GFPT2: variants seen among roughly 807,000 people sequenced by gnomAD.
GFPT2 encodes glutamine--fructose-6-phosphate aminotransferase [isomerizing] 2.
In GFPT2, 62 loss-of-function variants were observed where a neutral mutation model predicts 85.6. The ratio of observed to expected loss-of-function variants is 0.72; its 90% confidence interval spans 0.59 to 0.90. The LOEUF is 0.90. Ranked by LOEUF, GFPT2 falls within the 40% of genes least tolerant of loss-of-function variation. The pLI, the probability that GFPT2 is intolerant of heterozygous loss-of-function variation, is 0.00. For missense variants in GFPT2, 788 were observed against 893.4 expected, an observed-to-expected ratio of 0.88 and a Z score of 1.50; for synonymous variants, 368 against 344.5, an observed-to-expected ratio of 1.07 and a Z score of -0.75.
rs183500211 is a variant in GFPT2 at position 180,348,792 on chromosome 5, A to G, written c.7+4419T>C. ...GGGTCTTGCTCTGTCGCCAGGCTGG[A>G]GTGTAGTGGCACGATCTCGGCTCAC... On this transcript the variant is annotated intron_variant, in intron 1 of 18. Transcript: ENST00000253778. Among the ~76,000 whole-genome samples the G allele has an allele frequency of 6.3e-3, 903 of 142,232 alleles. 4 individuals are homozygous for G. Among genetic ancestry groups the G allele is most frequent in the Admixed American group, 0.01 (139 of 13,670 alleles). 93.3% of individuals were successfully genotyped at this position (142,232 alleles called of 152,430 possible).
rs1329989116 is a variant in GFPT2, at chr5:180,334,236, T to TACC, written c.340+1589_340+1591dup. 2.2e-4 allele frequency among the ~76,000 whole-genome samples: 34 copies of TACC among 152,316 alleles called. 1 individual carries two copies. The highest frequency in any genetic ancestry group is 1.5e-3 in the South Asian group (7 of 4,818). ...GCATGAGTAGCCCTGGCTCCTGTGCTACCACCAAGCTGCTCTGCTGAGCAG... is the reference window on the plus strand; with the variant it reads ...GCATGAGTAGCCCTGGCTCCTGTGCTACCACCACCAAGCTGCTCTGCTGAGCAG... On this transcript the variant is annotated intron_variant, in intron 4 of 18. Transcript: ENST00000253778.
At chr5:180,309,816 C>CT (rs34016478) in intron 15 of GFPT2, among the ~76,000 whole-genome samples, 8,794 of 145,662 alleles carry the variant, frequency 0.06, 733 homozygotes, top group African/African-American at 0.19. Flanking sequence ...AAGGCCATTC[C>CT]TTTTTTTTTT....
In GFPT2 at chr5:180,313,020, C is replaced by A. The variant is rs11960659; in HGVS notation, c.1432-476G>T. Among the ~76,000 whole-genome samples the A allele has an allele frequency of 2.6e-5, 4 of 151,390 alleles. No homozygotes were observed. The South Asian group carries it at 8.3e-4, about 31-fold the overall frequency. ...TCAAACCCCTGACCTCAGGTGATCCCCCTGCCTCGGCCTCCCAAAGTGCTG... is the reference window on the plus strand; with the variant it reads ...TCAAACCCCTGACCTCAGGTGATCCACCTGCCTCGGCCTCCCAAAGTGCTG... On this transcript the variant is annotated intron_variant, in intron 14 of 18. Transcript: ENST00000253778.
chr5:180,315,559 C>T (rs1055466134), intron 13 of GFPT2, among the ~76,000 whole-genome samples: 8 of 152,142 alleles, frequency 5.3e-5, no homozygotes, highest in African/African-American at 1.9e-4. Flanking sequence ...CCGGGATTGG[C>T]TTCAAAGTAA....
chr5:180,316,334 C>T lies in GFPT2; in HGVS notation c.1273+7G>A. ...GCAAGGCTGGCCACAATGCCTGTGT[C>T]CCTTACCTGACTGGCTGATGAAAAA... On this transcript the variant is annotated splice_region_variant and intron_variant, in intron 13 of 18. Coordinates refer to ENST00000253778, the MANE Select transcript of GFPT2 (RefSeq NM_005110.4). 1.2e-6 allele frequency: 2 copies of T among 1,614,000 alleles called. No homozygotes were observed. Among genetic ancestry groups the T allele is most frequent in the Non-Finnish European group, 1.7e-6 (2 of 1,179,940 alleles).
At position 180,324,255 on chromosome 5, in the gene GFPT2, C is replaced by CCAGG; in HGVS notation, c.726_727insCCTG (p.Asp243ProfsTer22). On this transcript the variant is annotated frameshift_variant, in exon 9 of 19. Transcript: ENST00000253778. LOFTEE classifies it high-confidence loss of function. The stretch of plus-strand genomic sequence containing the variant: ...ACAGCATGCAGGCAGGCGGAGCTGT[C>CCAGG]CAGCCTCTTCATCCGTGTCTTACAG... 1 of 1,612,900 alleles carries CCAGG rather than the reference C, an allele frequency of 6.2e-7. No homozygotes were observed. The highest frequency in any genetic ancestry group is 8.5e-7 in the Non-Finnish European group (1 of 1,179,080).
chr5:180,336,233 G>T, intron 3 of GFPT2: 2 of 577,742 alleles, frequency 3.5e-6, no homozygotes, highest in Non-Finnish European at 6.1e-6. Flanking sequence ...TCATTTGCTG[G>T]AATAATTAAA....
chr5:180,305,972 T>G (rs1763768790), intron 16 of GFPT2, among the ~76,000 whole-genome samples: 1 of 121,124 alleles, frequency 8.3e-6, no homozygotes, highest in Non-Finnish European at 1.8e-5. Context: ...TTCTTTTTTT[T>G]TTCTTTCTTT....
At chr5:180,316,048 A>G in intron 13 of GFPT2, among the ~76,000 whole-genome samples, 1 of 152,218 alleles carries the variant, frequency 6.6e-6, no homozygotes, top group East Asian at 1.9e-4. Context: ...GTGGTCCTTG[A>G]AGTCTTGGAT....
intron 9 of GFPT2, among the ~76,000 whole-genome samples, chr5:180,320,563 A>C (rs1316203972): frequency 6.6e-6 from 1 of 152,110 alleles, no homozygotes; most frequent in Non-Finnish European, 1.5e-5. Flanking sequence ...ACCTGAGGTC[A>C]GGAGTTTGAG....
rs761728936 is a variant in GFPT2 at position 180,313,010 on chromosome 5, CAG to C, written c.1432-468_1432-467del. 1.2e-3 allele frequency among the ~76,000 whole-genome samples: 176 copies of C among 152,148 alleles called. 1 individual carries two copies. The highest frequency in any genetic ancestry group is 2.1e-3 in the Non-Finnish European group (144 of 68,012). ...CAGGATGGTCTCAAACCCCTGACCT[CAG>C]GTGATCCCCCTGCCTCGGCCTCCCA... On this transcript the variant is annotated intron_variant, in intron 14 of 18. Transcript: ENST00000253778.
At chr5:180,320,244 G>A (rs1348658083) in intron 9 of GFPT2, among the ~76,000 whole-genome samples, 5 of 151,804 alleles carry the variant, frequency 3.3e-5, no homozygotes, top group South Asian at 2.1e-4. Flanking sequence ...CGCCCGCCTC[G>A]GCCTCCCAAA....
chr5:180,305,310 C>T (rs1464202883), intron 16 of GFPT2, among the ~76,000 whole-genome samples: 2 of 152,200 alleles, frequency 1.3e-5, no homozygotes, highest in African/African-American at 2.4e-5. Flanking sequence ...ACGACAGCAT[C>T]GTATTCAGCT....
chr5:180,328,417 C>T lies in GFPT2; in HGVS notation c.535-79G>A. On this transcript the variant is annotated intron_variant, in intron 6 of 18. Transcript: ENST00000253778. This position sits in a 1 kb window ranked among gnomAD's most constrained non-coding sequence, Gnocchi z 5.4. ...CCTGGCCACAGCCCAGGTGCGTCTC[C>T]CTGGGCCCCTCCTGATGGCGGGAGG... is the stretch of plus-strand genomic sequence containing the variant. 8.9e-7 allele frequency: 1 copy of T among 1,129,370 alleles called. No individual in the cohort carries two copies. Among genetic ancestry groups the T allele is most frequent in the Non-Finnish European group, 1.3e-6 (1 of 741,346 alleles). 70.0% of individuals were successfully genotyped at this position (1,129,370 alleles called of 1,614,324 possible).
In GFPT2 at chr5:180,339,317, T is replaced by A. The variant is rs565220228; in HGVS notation, c.8-717A>T. ...ATTGCTTGAACCAGGGAGCTGGAGGTTGCAGTGAGCCGAGATCGTGCCACA... is the reference window on the plus strand; with the variant it reads ...ATTGCTTGAACCAGGGAGCTGGAGGATGCAGTGAGCCGAGATCGTGCCACA... On this transcript the variant is annotated intron_variant, in intron 1 of 18. Transcript: ENST00000253778. Among the ~76,000 whole-genome samples, 702 of 148,364 alleles carry A rather than the reference T, an allele frequency of 4.7e-3. 6 individuals carry two copies. Among genetic ancestry groups the A allele is most frequent in the African/African-American group, 0.016 (655 of 40,064 alleles).
intron 16 of GFPT2, among the ~76,000 whole-genome samples, 196 bp from the exon 17 acceptor site, chr5:180,305,135 C>T (rs1763751607): frequency 6.6e-6 from 1 of 152,102 alleles, no homozygotes; most frequent in Non-Finnish European, 1.5e-5. Context: ...GCCTGGCTAC[C>T]ATCCAGAGCA....
rs1763801234 is a variant in GFPT2 at position 180,307,281 on chromosome 5, A to G, written c.1569T>C (p.Ser523=). The G allele has an allele frequency of 1.2e-6, 2 of 1,614,016 alleles. No homozygotes were observed. Among genetic ancestry groups the G allele is most frequent in the East Asian group, 4.5e-5 (2 of 44,874 alleles). Residue 523 remains serine (S), a synonymous_variant, in exon 16 of 19, where the codon TCT becomes TCC. Transcript: ENST00000253778. ...CCAAGTCGTGGATCTTCTCCTCCAG[A>G]GACAGCACTTCCTTGATCAGCTCTG... ...SLPELIKEVL[S]LEEKIHDLAL...
chr5:180,345,170 T>C (rs1764582029), intron 1 of GFPT2, among the ~76,000 whole-genome samples: 3 of 152,272 alleles, frequency 2.0e-5, no homozygotes, highest in Admixed American at 2.0e-4. Context: ...GAGAGATTTA[T>C]CATTCAATAA....
At chr5:180,352,450 G>A (rs1223540528) in intron 1 of GFPT2, 1 of 452,946 alleles carries the variant, frequency 2.2e-6, no homozygotes, top group Non-Finnish European at 4.4e-6. Flanking sequence ...AATTGCAGAT[G>A]TGCGCTCCGG....
Sources: allele counts gnomAD v4.1 joint callset (sites outside exome capture counted in the v4.1 genomes callset), GRCh38; gene constraint gnomAD v4.1.1; non-coding constraint Gnocchi (gnomAD v3.1); transcripts MANE v1.5; gene names NCBI Gene and HGNC (gene_info 2026-07-23, HGNC 2026-07-21).